Variants in GADL1 observed in about 807,000 individuals in gnomAD.
GADL1 encodes acidic amino acid decarboxylase GADL1.
GADL1 carries 71 observed loss-of-function variants against 69.5 expected under a neutral mutation model. The ratio of observed to expected loss-of-function variants is 1.02; its 90% CI spans 0.84 to 1.25. GADL1 has a LOEUF of 1.25. GADL1 is among the 50% of genes most tolerant of loss of function. The pLI, the probability that GADL1 is intolerant of heterozygous loss-of-function variation, is 0.00. For missense variants in GADL1, 737 were observed against 631.8 expected (o/e 1.17, Z -1.79); for synonymous variants, 254 against 214.4 (o/e 1.18, Z -1.62).
chr3:30,820,741 A>G (rs1697561132), intron 11 of GADL1, among the ~76,000 whole-genome samples: 2 of 152,012 alleles, frequency 1.3e-5, no homozygotes, highest in South Asian at 4.2e-4. Context: ...AAACTAGTTC[A>G]ACCATTGTGG....
intron 12 of GADL1, among the ~76,000 whole-genome samples, chr3:30,794,985 G>A (rs1697002892): frequency 6.6e-6 from 1 of 152,124 alleles, no homozygotes; most frequent in Non-Finnish European, 1.5e-5. Context: ...CAGTATTTTA[G>A]AGACCTGACC....
At chr3:30,762,769 C>A (rs1696169446) in intron 14 of GADL1, among the ~76,000 whole-genome samples, 1 of 152,168 alleles carries the variant, frequency 6.6e-6, no homozygotes, top group Non-Finnish European at 1.5e-5. Flanking sequence ...TTCCCACTCT[C>A]TGGTAACTAT....
chr3:30,750,346 C>T (rs1695787174), intron 14 of GADL1, among the ~76,000 whole-genome samples: 1 of 152,156 alleles, frequency 6.6e-6, no homozygotes, highest in South Asian at 2.1e-4. Flanking sequence ...ATCCTCTGGT[C>T]ACCAGACACG....
At chr3:30,765,777 C>A (rs1696262098) in intron 14 of GADL1, among the ~76,000 whole-genome samples, 1 of 152,178 alleles carries the variant, frequency 6.6e-6, no homozygotes, top group South Asian at 2.1e-4. Flanking sequence ...ATCTCCCCTG[C>A]AATCTACTGT....
intron 8 of GADL1, among the ~76,000 whole-genome samples, chr3:30,839,612 A>G (rs1697934458): frequency 6.6e-6 from 1 of 151,748 alleles, no homozygotes; most frequent in Non-Finnish European, 1.5e-5. Context: ...TAAAACAAAG[A>G]ATGTAGAATA....
chr3:30,761,139 TTA>T (rs1356069227), intron 14 of GADL1, among the ~76,000 whole-genome samples: 2 of 152,180 alleles, frequency 1.3e-5, no homozygotes, highest in East Asian at 1.9e-4. Context: ...ACGTAAATCT[TTA>T]TATTGTATGC....
chr3:30,784,913 T>A (rs1019286637), intron 13 of GADL1, among the ~76,000 whole-genome samples: 1 of 152,166 alleles, frequency 6.6e-6, no homozygotes, highest in African/African-American at 2.4e-5. Flanking sequence ...AATACAACTT[T>A]TTTTGGCTGC....
chr3:30,756,921 G>T (rs1695988820), intron 14 of GADL1, among the ~76,000 whole-genome samples: 1 of 152,106 alleles, frequency 6.6e-6, no homozygotes, highest in African/African-American at 2.4e-5. Context: ...CAATAACTCA[G>T]CACTAGCCTC....
At chr3:30,782,932 T>C (rs1440372698) in intron 13 of GADL1, among the ~76,000 whole-genome samples, 1 of 152,172 alleles carries the variant, frequency 6.6e-6, no homozygotes, top group Non-Finnish European at 1.5e-5. Context: ...TTATATAGTT[T>C]TATTAGATTA....
chr3:30,884,911 C>T (rs1403269778), intron 1 of GADL1, among the ~76,000 whole-genome samples: 1 of 151,922 alleles, frequency 6.6e-6, no homozygotes, highest in African/African-American at 2.4e-5. Flanking sequence ...TTTCTTATCA[C>T]CTTTATCGTA....
At chr3:30,877,423 C>T (rs1245089840) in intron 1 of GADL1, among the ~76,000 whole-genome samples, 1 of 151,842 alleles carries the variant, frequency 6.6e-6, no homozygotes, top group East Asian at 1.9e-4. Flanking sequence ...AAAAATAAGG[C>T]CACTGACTAA....
At chr3:30,856,621 C>A (rs1213904851) in intron 3 of GADL1, among the ~76,000 whole-genome samples, 3 of 151,946 alleles carry the variant, frequency 2.0e-5, no homozygotes, top group Non-Finnish European at 2.9e-5. Flanking sequence ...CTTTTGAACA[C>A]TTTTTTTGCA....
At chr3:30,893,651 C>T (rs1030550571) in intron 1 of GADL1, among the ~76,000 whole-genome samples, 5 of 151,920 alleles carry the variant, frequency 3.3e-5, no homozygotes, top group African/African-American at 9.7e-5. Flanking sequence ...TTTAAAAGAG[C>T]GTCAGGACAG....
chr3:30,885,161 A>C (rs1022083323), intron 1 of GADL1, among the ~76,000 whole-genome samples: 1 of 151,668 alleles, frequency 6.6e-6, no homozygotes, highest in African/African-American at 2.4e-5. Flanking sequence ...CAAATTTCTA[A>C]CTCCTCATTA....
chr3:30,730,207 G>A (rs572078908), intron 14 of GADL1, among the ~76,000 whole-genome samples: 2 of 152,244 alleles, frequency 1.3e-5, no homozygotes, highest in Admixed American at 1.3e-4. Flanking sequence ...TCAAACCCAT[G>A]AATTTGTATG....
intron 12 of GADL1, among the ~76,000 whole-genome samples, chr3:30,787,693 A>G (rs909355912): frequency 6.6e-6 from 1 of 152,190 alleles, no homozygotes; most frequent in African/African-American, 2.4e-5. Context: ...TATTCAACTA[A>G]TATTTAAAGA....
chr3:30,792,989 G>A (rs929580331), intron 12 of GADL1, among the ~76,000 whole-genome samples: 1 of 152,120 alleles, frequency 6.6e-6, no homozygotes, highest in Non-Finnish European at 1.5e-5. Flanking sequence ...AATCAACAGT[G>A]TCTGCATATT....
At position 30,836,708 on chromosome 3, in the gene GADL1, C is replaced by T. The variant is rs543182409; in HGVS notation, c.903+2289G>A. Among the ~76,000 whole-genome samples the T allele has an allele frequency of 4.6e-5, 7 of 151,908 alleles. No individual in the cohort carries two copies. The South Asian group carries it at 1.5e-3, about 32-fold the overall frequency. On this transcript the variant is annotated intron_variant, in intron 9 of 14. Transcript: ENST00000282538. ...GCCATGATTTTAAATACGTTTGTGCCTTCTATGGCACTTGGAATGAGGAAT... is the reference window on the plus strand; with the variant it reads ...GCCATGATTTTAAATACGTTTGTGCTTTCTATGGCACTTGGAATGAGGAAT...
intron 1 of GADL1, among the ~76,000 whole-genome samples, chr3:30,863,877 C>T (rs994220119): frequency 1.8e-4 from 28 of 151,964 alleles, no homozygotes; most frequent in Admixed American, 1.7e-3. Flanking sequence ...TATTGGCAAA[C>T]ACAAATGGTG....
Sources: allele counts gnomAD v4.1 joint callset (sites outside exome capture counted in the v4.1 genomes callset), GRCh38; gene constraint gnomAD v4.1.1; transcripts MANE v1.5; gene names NCBI Gene and HGNC (gene_info 2026-07-23, HGNC 2026-07-21).